The following MAPKAPK5 variants were observed in gnomAD, a reference collection of about 807,000 sequenced individuals.
MAPKAPK5 encodes MAP kinase-activated protein kinase 5.
In MAPKAPK5, 30 loss-of-function variants were observed where a neutral mutation model predicts 65.1. That is an observed-to-expected ratio of 0.46 (90% CI 0.34 to 0.63). The LOEUF is 0.63. Among genes scored for constraint, MAPKAPK5 ranks in the 20% least tolerant of loss-of-function variants. The pLI is 0.01. For missense variants in MAPKAPK5, 433 were observed against 581.4 expected (o/e 0.74, Z 2.63); for synonymous variants, 179 against 204.6 (o/e 0.87, Z 1.07).
At chr12:111,887,987 A>G (rs1359562383) in intron 10 of MAPKAPK5, 1 of 159,868 alleles carries the variant, frequency 6.3e-6, no homozygotes, top group Non-Finnish European at 1.4e-5. Context: ...ACAAACTTCC[A>G]GAGTTCCAGA....
At chr12:111,867,126 T>C (rs1389258038) in intron 3 of MAPKAPK5, among the ~76,000 whole-genome samples, 1 of 151,880 alleles carries the variant, frequency 6.6e-6, no homozygotes, top group East Asian at 1.9e-4. Context: ...AGACATGGGG[T>C]TTTGCATGTT....
chr12:111,850,729 G>A (rs2069052630), intron 1 of MAPKAPK5, among the ~76,000 whole-genome samples: 1 of 152,160 alleles, frequency 6.6e-6, no homozygotes, highest in South Asian at 2.1e-4. Flanking sequence ...AGGATTTAAG[G>A]CAGGAAGAGC....
chr12:111,880,542 A>G lies in MAPKAPK5; in HGVS notation c.660+15A>G. 5.0e-6 allele frequency: 8 copies of G among 1,609,832 alleles called. No homozygotes were observed. The highest frequency in any genetic ancestry group is 6.8e-6 in the Non-Finnish European group (8 of 1,176,444). On this transcript the variant is annotated intron_variant, in intron 8 of 13. Transcript: ENST00000550735. The stretch of plus-strand genomic sequence containing the variant: ...CTTACAACAAGGTACAGGAAGAGAT[A>G]TTTCTCTTCATTTGACAGATGCAGC...
At chr12:111,881,406 T>TC (rs1421464200) in intron 8 of MAPKAPK5, among the ~76,000 whole-genome samples, 1 of 135,326 alleles carries the variant, frequency 7.4e-6, no homozygotes, top group Non-Finnish European at 1.6e-5. Flanking sequence ...TCTGTTCCTT[T>TC]TTTTTTTTTT....
rs1346260911 is a variant in MAPKAPK5, at chr12:111,877,675, T to C, written c.580-2772T>C. Among the ~76,000 whole-genome samples the C allele has an allele frequency of 2.0e-5, 3 of 152,154 alleles. No homozygotes were observed. The East Asian group carries it at 5.8e-4, about 29-fold the overall frequency. On this transcript the variant is annotated intron_variant, in intron 7 of 13. Transcript: ENST00000550735. ...GAGAGTTCTTTGTATATTTCAGATA[T>C]GAATTCCTTTCTTTTTTTTGTTGGA...
chr12:111,877,727 C>G (rs1413754117), intron 7 of MAPKAPK5, among the ~76,000 whole-genome samples: 2 of 152,138 alleles, frequency 1.3e-5, no homozygotes, highest in Admixed American at 6.5e-5. Flanking sequence ...GCCACCCAGG[C>G]TGGAATGCAG....
chr12:111,888,766 G>A (rs1192483409), intron 11 of MAPKAPK5, 119 bp from the exon 12 acceptor site: 13 of 1,499,906 alleles, frequency 8.7e-6, no homozygotes, highest in Middle Eastern at 1.8e-4. Context: ...AGTATCAGGA[G>A]TTGGACACTA....
At chr12:111,854,641 T>G (rs548642283) in intron 1 of MAPKAPK5, among the ~76,000 whole-genome samples, 24 of 152,346 alleles carry the variant, frequency 1.6e-4, no homozygotes, top group African/African-American at 5.5e-4. Flanking sequence ...TGGAATACAT[T>G]ATTTCGTTAA....
At chr12:111,865,211 G>C (rs1235411230) in intron 1 of MAPKAPK5, 39 bp from the exon 2 acceptor site, 2 of 1,306,460 alleles carry the variant, frequency 1.5e-6, no homozygotes, top group Non-Finnish European at 2.2e-6. Flanking sequence ...GTTAACTGAG[G>C]AATCATTCTC....
Position 111,900,454 on chromosome 12 carries a change from A to G in MAPKAPK5, c.*7393A>G. 2.3e-6 allele frequency: 1 copy of G among 443,666 alleles called. No individual in the cohort carries two copies. The highest frequency in any genetic ancestry group is 4.6e-6 in the Non-Finnish European group (1 of 219,024). The allele number at this position is 443,666 out of a possible 1,614,324, so 27.5% of individuals were successfully genotyped here. On this transcript the variant is annotated 3_prime_UTR_variant, in exon 14 of 14. Coordinates refer to ENST00000550735, the MANE Select transcript of MAPKAPK5 (RefSeq NM_003668.4). ...TGCCTCATGCATGAAAATATCACAA[A>G]AGAAAGTGGCTTCAGCAGCTGCAGC...
rs535440906 is a variant in MAPKAPK5, at chr12:111,842,761, G to T, written c.28G>T (p.Ala10Ser). ...GTCGGAGGAGAGCGACATGGACAAAGCCATCAAGGTAAGGGGGAGGTGCCC... is the reference window on the plus strand; with the variant it reads ...GTCGGAGGAGAGCGACATGGACAAATCCATCAAGGTAAGGGGGAGGTGCCC... MSEESDMDK[A>S]IKETSILEEY... The change falls in exon 1 of 14, where the codon GCC becomes TCC. Residue 10 changes from alanine to serine, a missense_variant. Coordinates refer to ENST00000550735, the MANE Select transcript of MAPKAPK5 (RefSeq NM_003668.4). 2.2e-6 allele frequency: 3 copies of T among 1,340,918 alleles called. No individual in the cohort carries two copies. In the East Asian group the frequency reaches 8.4e-5, roughly 37 times the overall value. The allele number at this position is 1,340,918 out of a possible 1,614,324, so 83.1% of individuals were successfully genotyped here. A position where few individuals can be genotyped will look rare whatever the true frequency, so the allele number is the denominator to read the frequency against.
Position 111,881,696 on chromosome 12 carries a change from G to A in MAPKAPK5, c.660+1169G>A, listed in dbSNP as rs182813445. Among the ~76,000 whole-genome samples the A allele has an allele frequency of 9.9e-4, 150 of 152,248 alleles. 1 individual carries two copies. In the East Asian group the frequency reaches 0.025, roughly 25 times the overall value. On this transcript the variant is annotated intron_variant, in intron 8 of 13. Transcript: ENST00000550735. ...GCTGGGATTACAGGCGTGAGCCACCGTGCCCAGCCGATCCTATCTGTTCTA... is the reference window on the plus strand; with the variant it reads ...GCTGGGATTACAGGCGTGAGCCACCATGCCCAGCCGATCCTATCTGTTCTA...
chr12:111,881,755 C>T (rs947809881), intron 8 of MAPKAPK5, among the ~76,000 whole-genome samples: 8 of 152,126 alleles, frequency 5.3e-5, no homozygotes, highest in Non-Finnish European at 1.2e-4. Flanking sequence ...TAGAAATAGG[C>T]CCTGGAGTCA....
chr12:111,849,761 G>T (rs1220353081), intron 1 of MAPKAPK5, among the ~76,000 whole-genome samples: 1 of 152,014 alleles, frequency 6.6e-6, no homozygotes, highest in Non-Finnish European at 1.5e-5. Context: ...CCATCACCCA[G>T]GCTGGAGTGT....
intron 7 of MAPKAPK5, among the ~76,000 whole-genome samples, chr12:111,878,115 C>G (rs1044343634): frequency 6.7e-6 from 1 of 149,548 alleles, no homozygotes; most frequent in African/African-American, 2.5e-5. Flanking sequence ...TCTTTTCATT[C>G]TTTAACAGTG....
At chr12:111,852,403 A>G (rs1337740863) in intron 1 of MAPKAPK5, among the ~76,000 whole-genome samples, 1 of 152,182 alleles carries the variant, frequency 6.6e-6, no homozygotes, top group Non-Finnish European at 1.5e-5. Context: ...GACCTTTATG[A>G]TGATGCACCT....
Position 111,871,065 on chromosome 12 carries a change from C to T in MAPKAPK5, c.484-20C>T, listed in dbSNP as rs941378862. On this transcript the variant is annotated intron_variant, in intron 6 of 13. Coordinates refer to ENST00000550735, the MANE Select transcript of MAPKAPK5 (RefSeq NM_003668.4). ...TACTGAGCACTCTGGAGCAGTGACT[C>T]CTTTTTTTTTTAATTTCAGGATGCC... 3.5e-5 allele frequency: 56 copies of T among 1,590,602 alleles called. No homozygotes were observed. Among genetic ancestry groups the T allele is most frequent in the South Asian group, 7.8e-5 (7 of 90,044 alleles).
chr12:111,856,367 T>G (rs1478327607), intron 1 of MAPKAPK5, among the ~76,000 whole-genome samples: 1 of 151,584 alleles, frequency 6.6e-6, no homozygotes, highest in African/African-American at 2.4e-5. Context: ...TAGAAAATGC[T>G]CCAGTTTAGC....
intron 7 of MAPKAPK5, among the ~76,000 whole-genome samples, chr12:111,878,401 TTTATTTA>T (rs2070070985): frequency 6.7e-6 from 1 of 150,254 alleles, no homozygotes; most frequent in Non-Finnish European, 1.5e-5. Context: ...TGTTGTTCTA[TTTATTTA>T]TTATTTATTT....
Sources: gnomAD v4.1 joint callset for allele counts (sites outside exome capture counted in the v4.1 genomes callset) on GRCh38, gnomAD v4.1.1 for gene constraint, MANE v1.5 for transcripts, NCBI Gene and HGNC (gene_info 2026-07-23, HGNC 2026-07-21) for gene names.